The following TMEM107 variants were observed in gnomAD, a reference collection of about 807,000 sequenced individuals.
The protein encoded by TMEM107 is transmembrane protein 107.
TMEM107 carries 18 observed loss-of-function variants against 16.8 expected under a neutral mutation model. The ratio of observed to expected loss-of-function variants is 1.07; its 90% CI spans 0.74 to 1.59. The LOEUF (loss-of-function observed/expected upper bound fraction) is 1.59. Ranked by LOEUF, TMEM107 falls within the 40% of genes most tolerant of loss-of-function variation. The probability of loss-of-function intolerance (pLI) is 0.00; values close to 1 mark genes in which losing one functional copy is unlikely to be tolerated. For missense variants in TMEM107, 152 were observed against 175.4 expected, an observed-to-expected ratio of 0.87 and a Z score of 0.75; for synonymous variants, 68 against 71.6, an observed-to-expected ratio of 0.95 and a Z score of 0.25.
Position 8,173,892 on chromosome 17 carries a change from G to C in TMEM107, c.*311C>G. The C allele has an allele frequency of 2.1e-6, 1 of 487,006 alleles. No individual in the cohort carries two copies. The highest frequency in any genetic ancestry group is 3.6e-6 in the Non-Finnish European group (1 of 274,156). 30.2% of individuals were successfully genotyped at this position (487,006 alleles called of 1,614,324 possible). On this transcript the variant is annotated 3_prime_UTR_variant, in exon 5 of 5. Coordinates refer to ENST00000437139, the MANE Select transcript of TMEM107 (RefSeq NM_183065.4). ...CTACCGTAGTAACCAAAATAGAAGCGATACCAAGTATCTTACGGTCTGCAG... is the reference window on the plus strand; with the variant it reads ...CTACCGTAGTAACCAAAATAGAAGCCATACCAAGTATCTTACGGTCTGCAG...
rs776932974 is a variant in TMEM107 at position 8,173,409 on chromosome 17, A to G, written c.*794T>C. The G allele has an allele frequency of 4.1e-6, 3 of 731,374 alleles. No individual in the cohort carries two copies. Among genetic ancestry groups the G allele is most frequent in the Non-Finnish European group, 7.6e-6 (3 of 396,820 alleles). 45.3% of individuals were successfully genotyped at this position (731,374 alleles called of 1,614,324 possible). The stretch of plus-strand genomic sequence containing the variant: ...GAACTTCATAGCTATGTTTGTGGAT[A>G]TCTGCTAATCAGCATAACACAAATG... On this transcript the variant is annotated 3_prime_UTR_variant, in exon 5 of 5. Transcript: ENST00000437139.
chr17:8,173,410 T>G lies in TMEM107; in HGVS notation c.*793A>C, dbSNP rs201820649. ...AACTTCATAGCTATGTTTGTGGATA[T>G]CTGCTAATCAGCATAACACAAATGT... On this transcript the variant is annotated 3_prime_UTR_variant, in exon 5 of 5. Transcript: ENST00000437139. 1.1e-5 allele frequency: 8 copies of G among 730,542 alleles called. No homozygotes were observed. The highest frequency in any genetic ancestry group is 1.7e-5 in the African/African-American group (1 of 58,236). The allele number at this position is 730,542 out of a possible 1,614,324, so 45.3% of individuals were successfully genotyped here. A position where few individuals can be genotyped will look rare whatever the true frequency, so the allele number is the denominator to read the frequency against.
At position 8,173,780 on chromosome 17, in the gene TMEM107, G is replaced by A; in HGVS notation, c.*423C>T. On this transcript the variant is annotated 3_prime_UTR_variant, in exon 5 of 5. Transcript: ENST00000437139. ...AAAAGGAATAAATTACTTCTTCCCA[G>A]AATGCTCCGATCAGTTACGTGCCGG... is the stretch of plus-strand genomic sequence containing the variant. 1 of 545,352 alleles carries A rather than the reference G, an allele frequency of 1.8e-6. No homozygotes were observed. The highest frequency in any genetic ancestry group is 3.3e-6 in the Non-Finnish European group (1 of 306,720). The allele number at this position is 545,352 out of a possible 1,614,324, so 33.8% of individuals were successfully genotyped here. A position where few individuals can be genotyped will look rare whatever the true frequency, so the allele number is the denominator to read the frequency against.
rs369486184 is a variant in TMEM107, at chr17:8,173,566, T to C, written c.*637A>G. The C allele has an allele frequency of 1.3e-4, 100 of 765,138 alleles. No individual in the cohort carries two copies. The highest frequency in any genetic ancestry group is 2.2e-4 in the Non-Finnish European group (93 of 417,954). The allele number at this position is 765,138 out of a possible 1,614,324, so 47.4% of individuals were successfully genotyped here. On this transcript the variant is annotated 3_prime_UTR_variant, in exon 5 of 5. Coordinates refer to ENST00000437139, the MANE Select transcript of TMEM107 (RefSeq NM_183065.4). ...ATCTGCCCTCCGGAGGAGGAACAGG[T>C]AAGGATTATCCCACCTGACGATACA...
In TMEM107 at chr17:8,173,127, C is replaced by CA. The variant is rs1288325560; in HGVS notation, c.*1075dup. 1 of 248,400 alleles carries CA rather than the reference C, an allele frequency of 4.0e-6. No individual in the cohort carries two copies. The highest frequency in any genetic ancestry group is 7.9e-6 in the Non-Finnish European group (1 of 126,060). 15.4% of individuals were successfully genotyped at this position (248,400 alleles called of 1,614,324 possible). On this transcript the variant is annotated 3_prime_UTR_variant, in exon 5 of 5. Coordinates refer to ENST00000437139, the MANE Select transcript of TMEM107 (RefSeq NM_183065.4). ...AAGAAATACAGTTCCTATTGAATAC[C>CA]ATCCTGAGGGCAACCACCATGTGCA...
intron 3 of TMEM107, chr17:8,174,967 T>C: frequency 3.9e-6 from 1 of 253,394 alleles, no homozygotes; most frequent in South Asian, 5.1e-5. Context: ...CTGGTCCTCC[T>C]GGTCCACAAT....
rs201558321 is a variant in TMEM107, at chr17:8,173,517, T to A, written c.*686A>T. 2 of 765,396 alleles carry A rather than the reference T, an allele frequency of 2.6e-6. No individual in the cohort carries two copies. Among genetic ancestry groups the A allele is most frequent in the Non-Finnish European group, 4.8e-6 (2 of 418,028 alleles). 47.4% of individuals were successfully genotyped at this position (765,396 alleles called of 1,614,324 possible). ...ACGCAGAGACGTTAATCACGTTTCATGCATCTCCAATCATCATGTTCTAAT... is the reference window on the plus strand; with the variant it reads ...ACGCAGAGACGTTAATCACGTTTCAAGCATCTCCAATCATCATGTTCTAAT... On this transcript the variant is annotated 3_prime_UTR_variant, in exon 5 of 5. Coordinates refer to ENST00000437139, the MANE Select transcript of TMEM107 (RefSeq NM_183065.4).
intron 1 of TMEM107, 21 bp downstream of exon 1, chr17:8,176,179 G>C (rs149973505): frequency 0.015 from 24,679 of 1,610,808 alleles, 227 homozygotes; most frequent in Non-Finnish European, 0.019. Flanking sequence ...GGGACGGATT[G>C]AGTGCAGCCG....
Position 8,173,385 on chromosome 17 carries a change from A to G in TMEM107, c.*818T>C, listed in dbSNP as rs1389636191. The G allele has an allele frequency of 2.9e-6, 2 of 688,474 alleles. No homozygotes were observed. Among genetic ancestry groups the G allele is most frequent in the Non-Finnish European group, 5.4e-6 (2 of 372,264 alleles). The allele number at this position is 688,474 out of a possible 1,614,324, so 42.6% of individuals were successfully genotyped here. On this transcript the variant is annotated 3_prime_UTR_variant, in exon 5 of 5. Transcript: ENST00000437139. Reference sequence around the variant, plus strand: ...CAAACAGCAAGGTTATCCCAGTCAGAACTTCATAGCTATGTTTGTGGATAT... The same window carrying G: ...CAAACAGCAAGGTTATCCCAGTCAGGACTTCATAGCTATGTTTGTGGATAT...
In TMEM107 at chr17:8,173,383, A is replaced by T. The variant is rs552251447; in HGVS notation, c.*820T>A. ...GACAAACAGCAAGGTTATCCCAGTC[A>T]GAACTTCATAGCTATGTTTGTGGAT... On this transcript the variant is annotated 3_prime_UTR_variant, in exon 5 of 5. Transcript: ENST00000437139. The T allele has an allele frequency of 4.7e-4, 319 of 684,526 alleles. 3 individuals are homozygous for T. The South Asian group carries it at 4.9e-3, about 10-fold the overall frequency. The allele number at this position is 684,526 out of a possible 1,614,324, so 42.4% of individuals were successfully genotyped here. A position where few individuals can be genotyped will look rare whatever the true frequency, so the allele number is the denominator to read the frequency against.
At position 8,176,174 on chromosome 17, in the gene TMEM107, G is replaced by A. The variant is rs749584335; in HGVS notation, c.87+26C>T. On this transcript the variant is annotated intron_variant, in intron 1 of 4. Transcript: ENST00000437139. ...ACCACTCAGAGATGGGAATGGGGAC[G>A]GATTGAGTGCAGCCGTGGGTCTTAC... is the stretch of plus-strand genomic sequence containing the variant. The A allele has an allele frequency of 3.1e-6, 5 of 1,609,106 alleles. No individual in the cohort carries two copies. In the Admixed American group the frequency reaches 8.3e-5, roughly 27 times the overall value.
chr17:8,173,351 C>A lies in TMEM107; in HGVS notation c.*852G>T. 1.7e-6 allele frequency: 1 copy of A among 605,430 alleles called. No individual in the cohort carries two copies. The highest frequency in any genetic ancestry group is 2.1e-5 in the South Asian group (1 of 47,988). The allele number at this position is 605,430 out of a possible 1,614,324, so 37.5% of individuals were successfully genotyped here. On this transcript the variant is annotated 3_prime_UTR_variant, in exon 5 of 5. Coordinates refer to ENST00000437139, the MANE Select transcript of TMEM107 (RefSeq NM_183065.4). ...TAGACAAACAGCAATAGCAAGACTG[C>A]AAAATAGACAAACAGCAAGGTTATC...
In TMEM107 at chr17:8,173,374, A is replaced by G. The variant is rs867849496; in HGVS notation, c.*829T>C. The stretch of plus-strand genomic sequence containing the variant: ...TGCAAAATAGACAAACAGCAAGGTT[A>G]TCCCAGTCAGAACTTCATAGCTATG... On this transcript the variant is annotated 3_prime_UTR_variant, in exon 5 of 5. Transcript: ENST00000437139. The G allele has an allele frequency of 2.8e-5, 19 of 670,798 alleles. No individual in the cohort carries two copies. Among genetic ancestry groups the G allele is most frequent in the Non-Finnish European group, 3.3e-5 (12 of 362,664 alleles). 41.6% of individuals were successfully genotyped at this position (670,798 alleles called of 1,614,324 possible). A position where few individuals can be genotyped will look rare whatever the true frequency, so the allele number is the denominator to read the frequency against.
chr17:8,176,299 C>T lies in TMEM107; in HGVS notation c.-13G>A. 1.2e-6 allele frequency: 2 copies of T among 1,611,584 alleles called. No individual in the cohort carries two copies. Among genetic ancestry groups the T allele is most frequent in the Non-Finnish European group, 1.7e-6 (2 of 1,178,478 alleles). ...AGACCCGGCCCATGGCCCTCGGGGA[C>T]AAGGGCGGCGGTCTCTGAGGCTGGA... On this transcript the variant is annotated 5_prime_UTR_variant, in exon 1 of 5. Coordinates refer to ENST00000437139, the MANE Select transcript of TMEM107 (RefSeq NM_183065.4).
intron 3 of TMEM107, chr17:8,175,535 C>T: frequency 6.3e-6 from 4 of 630,248 alleles, no homozygotes; most frequent in Non-Finnish European, 1.1e-5. Context: ...GCGCCTCCCA[C>T]AGTGCTGGGA....
In TMEM107 at chr17:8,173,052, C is replaced by T. The variant is rs991427821; in HGVS notation, c.*1151G>A. Among the ~76,000 whole-genome samples, 1 of 151,926 alleles carries T rather than the reference C, an allele frequency of 6.6e-6. No homozygotes were observed. Among genetic ancestry groups the T allele is most frequent in the Non-Finnish European group, 1.5e-5 (1 of 68,004 alleles). On this transcript the variant is annotated 3_prime_UTR_variant, in exon 5 of 5. Transcript: ENST00000437139. ...AAATGTATCCATGTATATACATCTG[C>T]GCCGTGCACTCCTGCCTTGGCGACA...
In TMEM107 at chr17:8,173,216, C is replaced by G. The variant is rs114098265; in HGVS notation, c.*987G>C. The G allele has an allele frequency of 4.7e-6, 2 of 426,666 alleles. No individual in the cohort carries two copies. The highest frequency in any genetic ancestry group is 3.0e-5 in the South Asian group (1 of 33,170). The allele number at this position is 426,666 out of a possible 1,614,324, so 26.4% of individuals were successfully genotyped here. A position where few individuals can be genotyped will look rare whatever the true frequency, so the allele number is the denominator to read the frequency against. On this transcript the variant is annotated 3_prime_UTR_variant, in exon 5 of 5. Transcript: ENST00000437139. ...AGAAGTGAGGATTAAAGTTATCAAA[C>G]GACAAAAAACAAAGAGCCCATTTGT...
chr17:8,174,178 C>A lies in TMEM107; in HGVS notation c.*25G>T, dbSNP rs766223582. On this transcript the variant is annotated 3_prime_UTR_variant, in exon 5 of 5. Coordinates refer to ENST00000437139, the MANE Select transcript of TMEM107 (RefSeq NM_183065.4). ...CGGCCCTTGCCCCTGTAGGCTTCGTCCTTAGGTTCCCGTCATGAAGGTAAT... is the reference window on the plus strand; with the variant it reads ...CGGCCCTTGCCCCTGTAGGCTTCGTACTTAGGTTCCCGTCATGAAGGTAAT... 1 of 1,611,152 alleles carries A rather than the reference C, an allele frequency of 6.2e-7. No individual in the cohort carries two copies. Among genetic ancestry groups the A allele is most frequent in the Non-Finnish European group, 8.5e-7 (1 of 1,177,292 alleles).
At position 8,173,356 on chromosome 17, in the gene TMEM107, T is replaced by C. The variant is rs140363727; in HGVS notation, c.*847A>G. On this transcript the variant is annotated 3_prime_UTR_variant, in exon 5 of 5. Coordinates refer to ENST00000437139, the MANE Select transcript of TMEM107 (RefSeq NM_183065.4). ...AAACAGCAATAGCAAGACTGCAAAA[T>C]AGACAAACAGCAAGGTTATCCCAGT... The C allele has an allele frequency of 1.2e-3, 753 of 612,074 alleles. 19 individuals carry two copies. The East Asian group carries it at 0.017, about 13-fold the overall frequency. 37.9% of individuals were successfully genotyped at this position (612,074 alleles called of 1,614,324 possible).
Sources: allele counts gnomAD v4.1 joint callset (sites outside exome capture counted in the v4.1 genomes callset), GRCh38; gene constraint gnomAD v4.1.1; transcripts MANE v1.5; gene names NCBI Gene and HGNC (gene_info 2026-07-23, HGNC 2026-07-21).